The following ANAPC1 variants were observed in gnomAD, a reference collection of about 807,000 sequenced individuals.
ANAPC1 encodes anaphase promoting complex subunit 1.
In ANAPC1, 36 loss-of-function variants were observed where a neutral mutation model predicts 208.0. The ratio of observed to expected loss-of-function variants is 0.17; its 90% CI spans 0.13 to 0.23. The LOEUF is 0.23. Ranked by LOEUF, ANAPC1 falls within the 10% of genes least tolerant of loss-of-function variation. The pLI is 1.00. For synonymous variants in ANAPC1, 378 were observed against 695.2 expected (o/e 0.54, Z 7.18); for missense variants, 942 against 2,011.6 (o/e 0.47, Z 10.17).
At position 111,873,293 on chromosome 2, in the gene ANAPC1, G is replaced by C; in HGVS notation, c.528+15C>G. The stretch of plus-strand genomic sequence containing the variant: ...CTCCAACAAAACCCCCCCAAAATTT[G>C]AAACACTTGTTTACCTGAAATGGTA... On this transcript the variant is annotated intron_variant, in intron 5 of 47. Transcript: ENST00000341068. 6.3e-7 allele frequency: 1 copy of C among 1,582,546 alleles called. No individual in the cohort carries two copies. The highest frequency in any genetic ancestry group is 8.6e-7 in the Non-Finnish European group (1 of 1,167,700).
rs547826547 is a variant in ANAPC1, at chr2:111,874,350, T to A, written c.376-686A>T. ...AAATTGACGAGCTTAGTACAATTTG[T>A]GAGCTTGTACAATACTGCACATTTC... is the stretch of plus-strand genomic sequence containing the variant. On this transcript the variant is annotated intron_variant, in intron 3 of 47. Transcript: ENST00000341068. 2.6e-4 allele frequency among the ~76,000 whole-genome samples: 40 copies of A among 152,308 alleles called. No homozygotes were observed. In the East Asian group the frequency reaches 6.9e-3, roughly 26 times the overall value.
chr2:111,775,840 C>T (rs75405053), intron 46 of ANAPC1, among the ~76,000 whole-genome samples: 25,246 of 148,990 alleles, frequency 0.17, 743 homozygotes, highest in Middle Eastern at 0.25. Context: ...CATGTTTTTC[C>T]CCAAAAATGA....
chr2:111,795,363 T>C (rs113563131), intron 34 of ANAPC1, among the ~76,000 whole-genome samples: 16 of 147,302 alleles, frequency 1.1e-4, no homozygotes, highest in Admixed American at 2.1e-4. Flanking sequence ...GCCTGGGTGA[T>C]AGAGTGAGAC....
In ANAPC1 at chr2:111,833,278, G is replaced by C. The variant is rs1680262685; in HGVS notation, c.2418C>G (p.Tyr806Ter). 1.9e-6 allele frequency: 3 copies of C among 1,599,096 alleles called. No homozygotes were observed. Among genetic ancestry groups the C allele is most frequent in the Non-Finnish European group, 2.6e-6 (3 of 1,169,026 alleles). The change falls in exon 20 of 48, where the codon TAC becomes TAG. Residue 806 changes from tyrosine (Y) to a stop codon, truncating the protein, a stop_gained. Transcript: ENST00000341068. LOFTEE classifies it high-confidence loss of function. ...TGACAAGCGTTGGGTAGTCTCTATA[G>C]TAATGATCTACATAAGGCCCCAATT... ...DLKLGPYVDH[Y>*]YRDYPTLVRT... is the part of the protein sequence containing the mutation.
chr2:111,854,405 T>C (rs1681585510), intron 13 of ANAPC1, among the ~76,000 whole-genome samples: 1 of 152,148 alleles, frequency 6.6e-6, no homozygotes, highest in Non-Finnish European at 1.5e-5. Flanking sequence ...ATTTTTGGAA[T>C]GGTAAATGAG....
chr2:111,826,665 A>ATTT (rs34574346), intron 21 of ANAPC1, among the ~76,000 whole-genome samples: 2 of 139,308 alleles, frequency 1.4e-5, no homozygotes, highest in African/African-American at 5.4e-5. Context: ...TTATTTATTT[A>ATTT]TTTTTTTTTT....
rs146764531 is a variant in ANAPC1, at chr2:111,878,858, C to T, written c.327G>A (p.Gln109=). 9.3e-4 allele frequency: 1,488 copies of T among 1,607,772 alleles called. 19 individuals carry two copies. In the African/African-American group the frequency reaches 0.018, roughly 19 times the overall value. The change falls in exon 3 of 48, where the codon CAG becomes CAA. Residue 109 remains glutamine (Q), a synonymous_variant. Transcript: ENST00000341068. ...TAAATGCTTTATAAACTGCCAATGC[C>T]TGGCTTTTACTTCCTTTGCTCCATA... The part of the protein sequence containing the change: ...MVIWSKGSKS[Q]ALAVYKAFTV...
At chr2:111,792,120 C>T (rs919016956) in intron 38 of ANAPC1, among the ~76,000 whole-genome samples, 1 of 151,610 alleles carries the variant, frequency 6.6e-6, no homozygotes, top group Non-Finnish European at 1.5e-5. Flanking sequence ...AAGAACCGAG[C>T]ACAGACTATT....
chr2:111,866,800 TAAA>T (rs59286666), intron 7 of ANAPC1, among the ~76,000 whole-genome samples: 1 of 123,222 alleles, frequency 8.1e-6, no homozygotes, highest in Non-Finnish European at 1.7e-5. Flanking sequence ...AAATTGTACT[TAAA>T]AAAAAAAAAA....
chr2:111,806,851 T>G (rs1678704307), intron 29 of ANAPC1, among the ~76,000 whole-genome samples: 1 of 148,726 alleles, frequency 6.7e-6, no homozygotes, highest in Admixed American at 6.8e-5. Flanking sequence ...TCTGAAAAAA[T>G]GTTCACATTC....
intron 2 of ANAPC1, 196 bp downstream of exon 2, chr2:111,880,417 A>T (rs1683241477): frequency 9.6e-7 from 1 of 1,046,834 alleles, no homozygotes; most frequent in South Asian, 2.1e-5. Context: ...ACCACAAGTT[A>T]TAGAGGGTAT....
At chr2:111,852,118 A>G (rs1317833593) in intron 13 of ANAPC1, among the ~76,000 whole-genome samples, 1 of 150,230 alleles carries the variant, frequency 6.7e-6, no homozygotes, top group Non-Finnish European at 1.5e-5. Context: ...AATTTACGAA[A>G]AGATGGAATA....
intron 47 of ANAPC1, among the ~76,000 whole-genome samples, chr2:111,769,704 CGAA>C (rs1455848359): frequency 9.8e-6 from 1 of 102,386 alleles, no homozygotes; most frequent in Non-Finnish European, 1.9e-5. Context: ...TTTTTGGAGA[CGAA>C]GTCTCACTTT....
intron 10 of ANAPC1, among the ~76,000 whole-genome samples, chr2:111,860,657 G>A (rs1408911573): frequency 1.3e-5 from 2 of 151,100 alleles, no homozygotes; most frequent in African/African-American, 4.9e-5. Context: ...GTTCTTTTTT[G>A]TATTCTGTAT....
chr2:111,792,191 T>C (rs1265790246), intron 38 of ANAPC1, among the ~76,000 whole-genome samples, 171 bp downstream of exon 38: 5 of 148,576 alleles, frequency 3.4e-5, no homozygotes, highest in Admixed American at 6.7e-5. Context: ...GAGTAGACCA[T>C]AAGTTGACGG....
chr2:111,880,290 T>G (rs13000524), intron 2 of ANAPC1, among the ~76,000 whole-genome samples: 28,745 of 151,944 alleles, frequency 0.19, 2,985 homozygotes, highest in Middle Eastern at 0.29. Context: ...GAGAATCACT[T>G]GAACCCGGGA....
intron 9 of ANAPC1, 101 bp downstream of exon 9, chr2:111,863,574 C>T: frequency 2.6e-6 from 3 of 1,161,768 alleles, no homozygotes; most frequent in Middle Eastern, 3.0e-4. Flanking sequence ...AAAAACATCT[C>T]CCCTAAATAT....
rs148601442 is a variant in ANAPC1 at position 111,856,835 on chromosome 2, T to C, written c.1410A>G (p.Ser470=). ...SNDKTQLIFG[S]VTNIPAKDAA... Reference sequence around the variant, plus strand: ...CATCCTTTGCTGGTATGTTGGTCACTGAACCAAAGATGAGCTGGGTTTTAT... The same window carrying C: ...CATCCTTTGCTGGTATGTTGGTCACCGAACCAAAGATGAGCTGGGTTTTAT... Residue 470 remains serine (S), a synonymous_variant, in exon 12 of 48, where the codon TCA becomes TCG. Transcript: ENST00000341068. 115 of 1,612,588 alleles carry C rather than the reference T, an allele frequency of 7.1e-5. No individual in the cohort carries two copies. Among genetic ancestry groups the C allele is most frequent in the Non-Finnish European group, 9.4e-5 (111 of 1,179,858 alleles).
intron 18 of ANAPC1, among the ~76,000 whole-genome samples, chr2:111,835,829 G>A (rs957384136): frequency 2.0e-5 from 3 of 151,964 alleles, no homozygotes; most frequent in Non-Finnish European, 2.9e-5. Context: ...GCAACAGAGC[G>A]AGACTCCATC....
Sources: gnomAD v4.1 joint callset for allele counts (sites outside exome capture counted in the v4.1 genomes callset) on GRCh38, gnomAD v4.1.1 for gene constraint, MANE v1.5 for transcripts, NCBI Gene and HGNC (gene_info 2026-07-23, HGNC 2026-07-21) for gene names.